PAN3: variants seen among roughly 807,000 people sequenced by gnomAD.
PAN3 encodes PAN2-PAN3 deadenylation complex subunit PAN3.
PAN3 carries 19 observed loss-of-function variants against 96.2 expected under a neutral mutation model. That is an observed-to-expected ratio of 0.20 (90% CI 0.14 to 0.29). The LOEUF (loss-of-function observed/expected upper bound fraction) is 0.29. Among genes scored for constraint, PAN3 ranks in the 10% least tolerant of loss-of-function variants. The pLI is 1.00. For missense variants in PAN3, 882 were observed against 1,108.1 expected (o/e 0.80, Z 2.90); for synonymous variants, 433 against 406.6 (o/e 1.06, Z -0.78).
At chr13:28,157,386 T>G (rs1872330094) in intron 1 of PAN3, among the ~76,000 whole-genome samples, 1 of 152,028 alleles carries the variant, frequency 6.6e-6, no homozygotes, top group South Asian at 2.1e-4. Flanking sequence ...GAGAAAGAAA[T>G]AAAAGGTATC....
rs2137884043 is a variant in PAN3, at chr13:28,138,936, A to C, written c.279A>C (p.Ala93=). The stretch of plus-strand genomic sequence containing the variant: ...GCGTCCCCCTGGCTCTGGCTGGTGC[A>C]CCCGTGGCCGGCTTTCCGCCGGGAG... ...SNSVPLALAG[A]PVAGFPPGAV... The change falls in exon 1 of 19, where the codon GCA becomes GCC. Residue 93 remains alanine (A), a synonymous_variant. Transcript: ENST00000380958. 7.5e-7 allele frequency: 1 copy of C among 1,337,090 alleles called. No homozygotes were observed. Among genetic ancestry groups the C allele is most frequent in the Non-Finnish European group, 9.6e-7 (1 of 1,046,066 alleles). The allele number at this position is 1,337,090 out of a possible 1,614,324, so 82.8% of individuals were successfully genotyped here.
intron 1 of PAN3, among the ~76,000 whole-genome samples, chr13:28,165,156 T>G (rs1027012598): frequency 6.6e-6 from 1 of 152,216 alleles, no homozygotes; most frequent in African/African-American, 2.4e-5. Context: ...TCCTCCTGCC[T>G]TGGCCTCCCA....
chr13:28,174,419 C>T (rs772215402), intron 2 of PAN3, 26 bp downstream of exon 2: 15 of 1,607,060 alleles, frequency 9.3e-6, no homozygotes, highest in Non-Finnish European at 1.3e-5. Context: ...ATTCATATTG[C>T]ACTATGAAGT....
chr13:28,178,686 A>G (rs1423332841), intron 4 of PAN3, among the ~76,000 whole-genome samples: 3 of 152,160 alleles, frequency 2.0e-5, no homozygotes, highest in African/African-American at 7.2e-5. Flanking sequence ...ATTTAATGAG[A>G]GTAATAAATG....
chr13:28,281,222 T>C, intron 16 of PAN3, 93 bp from the exon 17 acceptor site: 1 of 876,374 alleles, frequency 1.1e-6, no homozygotes, highest in Non-Finnish European at 1.8e-6. Context: ...TTAAAGGTAA[T>C]ATTGGTACAG....
intron 5 of PAN3, chr13:28,215,479 A>C: frequency 1.5e-6 from 1 of 687,118 alleles, no homozygotes; most frequent in Non-Finnish European, 2.7e-6. Context: ...TCGTTGGGGG[A>C]GTGTTGCTGT....
Position 28,292,537 on chromosome 13 carries a change from G to A in PAN3, c.*15G>A. ...GTCAGTTGTAGTATTTGCTAAAAAA[G>A]CACGCAGGACATGGCTAAAGACCTT... is the stretch of plus-strand genomic sequence containing the variant. On this transcript the variant is annotated 3_prime_UTR_variant, in exon 19 of 19. Transcript: ENST00000380958. 1 of 1,600,300 alleles carries A rather than the reference G, an allele frequency of 6.2e-7. No individual in the cohort carries two copies. Among genetic ancestry groups the A allele is most frequent in the Non-Finnish European group, 8.5e-7 (1 of 1,174,752 alleles).
intron 10 of PAN3, 36 bp downstream of exon 10, chr13:28,266,912 T>C (rs1208663664): frequency 6.7e-7 from 1 of 1,488,318 alleles, no homozygotes; most frequent in East Asian, 2.3e-5. Context: ...TATAATCGTA[T>C]CATTGAGGCT....
intron 5 of PAN3, among the ~76,000 whole-genome samples, chr13:28,216,422 T>A (rs1350689796): frequency 6.6e-6 from 1 of 152,174 alleles, no homozygotes; most frequent in African/African-American, 2.4e-5. Context: ...GGGTAATGGT[T>A]TCCAGGTTGT....
intron 1 of PAN3, among the ~76,000 whole-genome samples, chr13:28,167,235 C>T (rs372267198): frequency 8.6e-5 from 13 of 151,954 alleles, no homozygotes; most frequent in African/African-American, 3.1e-4. Flanking sequence ...CTCTGTTGCC[C>T]AGGCTAGAGT....
intron 8 of PAN3, among the ~76,000 whole-genome samples, chr13:28,261,135 T>TA (rs1203776443): frequency 6.6e-6 from 1 of 152,208 alleles, no homozygotes; most frequent in Non-Finnish European, 1.5e-5. Flanking sequence ...GCCACAGCGT[T>TA]AGTCACGTGT....
chr13:28,264,007 C>G (rs988539260), intron 9 of PAN3, among the ~76,000 whole-genome samples: 1 of 152,088 alleles, frequency 6.6e-6, no homozygotes, highest in African/African-American at 2.4e-5. Flanking sequence ...TATAGTTCAC[C>G]CATTTGACAC....
intron 5 of PAN3, among the ~76,000 whole-genome samples, chr13:28,205,728 A>C (rs566186109): frequency 6.2e-4 from 95 of 152,176 alleles, no homozygotes; most frequent in African/African-American, 2.2e-3. Context: ...TTGTAGTCTC[A>C]GCTATTCAGG....
In PAN3 at chr13:28,261,447, C is replaced by T. The variant is rs746675610; in HGVS notation, c.1400C>T (p.Ala467Val). ...HLITMAQIDQADMPAVPTEVD... is the reference protein window; with the variant it reads ...HLITMAQIDQVDMPAVPTEVD... ...ATAACAATGGCTCAAATTGATCAAGCAGATATGCCAGGTAAAAAGCAAGTT... is the reference window on the plus strand; with the variant it reads ...ATAACAATGGCTCAAATTGATCAAGTAGATATGCCAGGTAAAAAGCAAGTT... The change falls in exon 9 of 19, where the codon GCA becomes GTA. Residue 467 changes from alanine to valine, a missense_variant. Ala to Val is a moderately conservative substitution (Grantham distance 64). This residue lies in a region of PAN3 where 364 missense variants were observed against 513.6 expected (regional missense o/e 0.71). Coordinates refer to ENST00000380958, the MANE Select transcript of PAN3 (RefSeq NM_175854.8). The T allele has an allele frequency of 6.2e-7, 1 of 1,609,748 alleles. No individual in the cohort carries two copies. Among genetic ancestry groups the T allele is most frequent in the African/African-American group, 1.3e-5 (1 of 74,862 alleles).
intron 4 of PAN3, among the ~76,000 whole-genome samples, chr13:28,188,625 T>A (rs969609365): frequency 2.0e-5 from 3 of 152,126 alleles, no homozygotes; most frequent in African/African-American, 4.8e-5. Flanking sequence ...AAAAATTACA[T>A]TGTTTCAGAG....
At chr13:28,159,290 T>C (rs1260520938) in intron 1 of PAN3, among the ~76,000 whole-genome samples, 2 of 152,174 alleles carry the variant, frequency 1.3e-5, no homozygotes, top group Non-Finnish European at 2.9e-5. Flanking sequence ...AACAGGATAA[T>C]GTCCTTTGCA....
In PAN3 at chr13:28,250,752, C is replaced by T. The variant is rs180919793; in HGVS notation, c.1001-5540C>T. On this transcript the variant is annotated intron_variant, in intron 6 of 18. Transcript: ENST00000380958. ...CGCCTGGCCTCAAGCAGTCCGCCTG[C>T]GTCAGCCTCCCAAAATGCTGGGATT... Among the ~76,000 whole-genome samples, 61 of 152,284 alleles carry T rather than the reference C, an allele frequency of 4.0e-4. No individual in the cohort carries two copies. In the East Asian group the frequency reaches 7.5e-3, roughly 19 times the overall value.
intron 1 of PAN3, among the ~76,000 whole-genome samples, chr13:28,158,323 GACA>G (rs1320361432): frequency 2.0e-5 from 3 of 152,118 alleles, no homozygotes; most frequent in East Asian, 3.9e-4. Flanking sequence ...AAGCAATGGC[GACA>G]ACAACAAAAA....
intron 18 of PAN3, among the ~76,000 whole-genome samples, chr13:28,291,802 C>T (rs567088292): frequency 8.5e-5 from 13 of 152,066 alleles, no homozygotes; most frequent in Non-Finnish European, 1.3e-4. Context: ...TTGCACTCCA[C>T]CCTGGGCAAC....
Sources: gnomAD v4.1 joint callset for allele counts (sites outside exome capture counted in the v4.1 genomes callset) on GRCh38, gnomAD v4.1.1 for gene constraint, gnomAD v4.1.1 regional missense constraint, MANE v1.5 for transcripts, NCBI Gene and HGNC (gene_info 2026-07-23, HGNC 2026-07-21) for gene names.